Variants in ZNF99 observed in about 807,000 individuals in gnomAD.
The protein encoded by ZNF99 is zinc finger protein 99, also known as zinc finger protein ENSP00000375192.
In ZNF99, 8 loss-of-function variants were observed where a neutral mutation model predicts 12.8. The observed-to-expected ratio is 0.62, with a 90% CI of 0.37 to 1.13. The LOEUF is 1.13. ZNF99 is among the 50% of genes most tolerant of loss of function. The probability of loss-of-function intolerance (pLI) is 0.02; values close to 1 mark genes in which losing one functional copy is unlikely to be tolerated. For synonymous variants in ZNF99, 318 were observed against 319.0 expected (o/e 1.00, Z 0.03); for missense variants, 1,007 against 1,006.2 (o/e 1.00, Z -0.01).
Position 22,754,380 on chromosome 19 carries a change from A to AAC in ZNF99, c.*2933_*2934insGT. On this transcript the variant is annotated 3_prime_UTR_variant, in exon 4 of 4. Coordinates refer to ENST00000596209, the MANE Select transcript of ZNF99 (RefSeq NM_001080409.3). ...AGACTCCATTTCAAAAAAAAAAAAA[A>AAC]AACTTTGCCACATTCTTCACATTTG... 4 of 421,254 alleles carry AAC rather than the reference A, an allele frequency of 9.5e-6. No homozygotes were observed. Among genetic ancestry groups the AAC allele is most frequent in the Non-Finnish European group, 1.4e-5 (3 of 215,782 alleles). 26.1% of individuals were successfully genotyped at this position (421,254 alleles called of 1,614,324 possible).
At chr19:22,767,823 A>T (rs1332708341) in intron 3 of ZNF99, among the ~76,000 whole-genome samples, 2 of 152,218 alleles carry the variant, frequency 1.3e-5, no homozygotes, top group Non-Finnish European at 2.9e-5. Flanking sequence ...TTTGGCTCAC[A>T]GTTCAACAGA....
intron 3 of ZNF99, among the ~76,000 whole-genome samples, chr19:22,767,262 G>C (rs1371813984): frequency 6.6e-6 from 1 of 152,100 alleles, no homozygotes; most frequent in African/African-American, 2.4e-5. Context: ...AAAACAGCCT[G>C]GTTGACGAAG....
In ZNF99 at chr19:22,756,864, T is replaced by C; in HGVS notation, c.*450A>G. On this transcript the variant is annotated 3_prime_UTR_variant, in exon 4 of 4. Transcript: ENST00000596209. ...ATGCTTAAAAGCTTTGCCACATTCT[T>C]CACATTTGTAGGGTTTCTCTACAGT... 1 of 1,612,390 alleles carries C rather than the reference T, an allele frequency of 6.2e-7. No homozygotes were observed. The highest frequency in any genetic ancestry group is 1.1e-5 in the South Asian group (1 of 91,038).
At position 22,759,266 on chromosome 19, in the gene ZNF99, T is replaced by C; in HGVS notation, c.643A>G (p.Thr215Ala). The part of the protein sequence containing the change: ...ERGKAFKWFS[T>A]LIKHKIIHTE... Reference sequence around the variant, plus strand: ...TGAATTATCTTATGTTTAATAAGGGTTGAGAACCATTTAAAGGCTTTGCCA... The same window carrying C: ...TGAATTATCTTATGTTTAATAAGGGCTGAGAACCATTTAAAGGCTTTGCCA... The change falls in exon 4 of 4, where the codon ACC (threonine) becomes GCC (alanine). Residue 215 changes from threonine (T) to alanine (A), a missense_variant. Coordinates refer to ENST00000596209, the MANE Select transcript of ZNF99 (RefSeq NM_001080409.3). 1 of 1,551,736 alleles carries C rather than the reference T, an allele frequency of 6.4e-7. No individual in the cohort carries two copies.
intron 1 of ZNF99, among the ~76,000 whole-genome samples, chr19:22,777,014 T>G (rs1973337052): frequency 6.6e-6 from 1 of 151,968 alleles, no homozygotes; most frequent in Non-Finnish European, 1.5e-5. Context: ...TAGCTGGGCT[T>G]GGTGGCACAC....
At chr19:22,776,408 GA>G (rs1973327508) in intron 1 of ZNF99, among the ~76,000 whole-genome samples, 1 of 69,636 alleles carries the variant, frequency 1.4e-5, no homozygotes, top group African/African-American at 5.0e-5. Flanking sequence ...TCCAAAATAA[GA>G]TATATATATA....
In ZNF99 at chr19:22,756,429, T is replaced by G; in HGVS notation, c.*885A>C. The G allele has an allele frequency of 1.3e-6, 2 of 1,586,814 alleles. No homozygotes were observed. Among genetic ancestry groups the G allele is most frequent in the Non-Finnish European group, 1.7e-6 (2 of 1,168,036 alleles). ...TGTTTAGTAAGGTTTGAGGACTAAA[T>G]GCTTTACCACACTCTTCACATTTGT... On this transcript the variant is annotated 3_prime_UTR_variant, in exon 4 of 4. Transcript: ENST00000596209.
intron 2 of ZNF99, among the ~76,000 whole-genome samples, 191 bp from the exon 3 acceptor site, chr19:22,768,591 T>A (rs1039828847): frequency 1.3e-5 from 2 of 152,154 alleles, no homozygotes; most frequent in Non-Finnish European, 2.9e-5. Context: ...TACTACTGAA[T>A]CAAATATTGG....
Position 22,755,916 on chromosome 19 carries a change from G to A in ZNF99, c.*1398C>T, listed in dbSNP as rs1568381373. Reference sequence around the variant, plus strand: ...TTCTCTCATTTTGAGTAACAGCTGAGCAATGGTTAAAAGCTTTGTCACCTT... The same window carrying A: ...TTCTCTCATTTTGAGTAACAGCTGAACAATGGTTAAAAGCTTTGTCACCTT... On this transcript the variant is annotated 3_prime_UTR_variant, in exon 4 of 4. Coordinates refer to ENST00000596209, the MANE Select transcript of ZNF99 (RefSeq NM_001080409.3). The A allele has an allele frequency of 8.2e-6, 3 of 363,930 alleles. No homozygotes were observed. The highest frequency in any genetic ancestry group is 1.1e-5 in the Non-Finnish European group (2 of 187,724). 22.5% of individuals were successfully genotyped at this position (363,930 alleles called of 1,614,324 possible). A position where few individuals can be genotyped will look rare whatever the true frequency, so the allele number is the denominator to read the frequency against.
At chr19:22,775,043 C>A (rs1394123079) in intron 1 of ZNF99, among the ~76,000 whole-genome samples, 1 of 152,106 alleles carries the variant, frequency 6.6e-6, no homozygotes, top group Admixed American at 6.5e-5. Context: ...ACATTTTTAA[C>A]AGAACTATAA....
chr19:22,773,776 A>G (rs1000706867), intron 1 of ZNF99: 3 of 152,280 alleles, frequency 2.0e-5, no homozygotes, highest in African/African-American at 7.2e-5. Context: ...ACCATCTGCC[A>G]TTGAGGCAGA....
Position 22,758,065 on chromosome 19 carries a change from T to G in ZNF99, c.1844A>C (p.His615Pro), listed in dbSNP as rs1391085155. Reference sequence around the variant, plus strand: ...ACATTTGTAGGGTTTCTTTCCAGTATGAATTATCTGATGTTTTCTAAGGGC... The same window carrying G: ...ACATTTGTAGGGTTTCTTTCCAGTAGGAATTATCTGATGTTTTCTAAGGGC... Reference protein sequence around the residue: ...FSALRKHQIIHTGKKPYKCEE... With the variant: ...FSALRKHQIIPTGKKPYKCEE... Residue 615 changes from histidine to proline, a missense_variant, in exon 4 of 4, where the codon CAT becomes CCT. By Grantham distance (77) the His-to-Pro change is moderately conservative. Transcript: ENST00000596209. 1 of 1,604,816 alleles carries G rather than the reference T, an allele frequency of 6.2e-7. No homozygotes were observed. The highest frequency in any genetic ancestry group is 2.3e-5 in the East Asian group (1 of 44,352).
intron 1 of ZNF99, among the ~76,000 whole-genome samples, chr19:22,779,773 C>T (rs1973367779): frequency 6.6e-6 from 1 of 152,130 alleles, no homozygotes; most frequent in Non-Finnish European, 1.5e-5. Context: ...CTCCGACCTC[C>T]TCTCTAATAT....
chr19:22,777,684 C>T (rs544837065), intron 1 of ZNF99, among the ~76,000 whole-genome samples: 47 of 152,180 alleles, frequency 3.1e-4, no homozygotes, highest in African/African-American at 1.1e-3. Context: ...TTGTCCAGAA[C>T]CTCATGTTGG....
intron 3 of ZNF99, among the ~76,000 whole-genome samples, chr19:22,760,853 T>C (rs1284464128): frequency 6.8e-6 from 1 of 147,874 alleles, no homozygotes; most frequent in African/African-American, 2.5e-5. Context: ...TAGATTACTA[T>C]TGAGAAGAAA....
intron 1 of ZNF99, among the ~76,000 whole-genome samples, chr19:22,778,116 A>G (rs1021764311): frequency 6.6e-6 from 1 of 151,590 alleles, no homozygotes; most frequent in Non-Finnish European, 1.5e-5. Context: ...TACATATGTA[A>G]CAAACCTGCA....
In ZNF99 at chr19:22,754,752, T is replaced by A; in HGVS notation, c.*2562A>T. 4.0e-6 allele frequency: 1 copy of A among 252,164 alleles called. No homozygotes were observed. The highest frequency in any genetic ancestry group is 1.1e-3 in the Middle Eastern group (1 of 952). The allele number at this position is 252,164 out of a possible 1,614,324, so 15.6% of individuals were successfully genotyped here. ...ATTCTTCACGTTTGTAGGGTTTCTC[T>A]TCAGTATAAATTGTTTATTAAGAAT... On this transcript the variant is annotated 3_prime_UTR_variant, in exon 4 of 4. Coordinates refer to ENST00000596209, the MANE Select transcript of ZNF99 (RefSeq NM_001080409.3).
chr19:22,776,354 TA>T (rs572280017), intron 1 of ZNF99, among the ~76,000 whole-genome samples: 144 of 82,076 alleles, frequency 1.8e-3, no homozygotes, highest in African/African-American at 3.2e-3. Context: ...TCATCTCAAT[TA>T]AAAAAAAAAA....
At chr19:22,765,502 A>T (rs540644170) in intron 3 of ZNF99, among the ~76,000 whole-genome samples, 7 of 152,208 alleles carry the variant, frequency 4.6e-5, no homozygotes, top group South Asian at 2.1e-4. Flanking sequence ...TAAATAAAAA[A>T]AAATAAAGTA....
Sources: allele counts gnomAD v4.1 joint callset (sites outside exome capture counted in the v4.1 genomes callset), GRCh38; gene constraint gnomAD v4.1.1; transcripts MANE v1.5; gene names NCBI Gene and HGNC (gene_info 2026-07-23, HGNC 2026-07-21).